STPG2: variants seen among roughly 807,000 people sequenced by gnomAD.
STPG2 encodes the protein sperm-tail PG-rich repeat-containing protein 2.
STPG2 carries 56 observed loss-of-function variants against 54.2 expected under a neutral mutation model. The ratio of observed to expected loss-of-function variants is 1.03; its 90% confidence interval spans 0.83 to 1.29. The LOEUF is 1.29. Among genes scored for constraint, STPG2 ranks in the 50% most tolerant of loss-of-function variants. STPG2 has a pLI of 0.00. For missense variants in STPG2, 596 were observed against 544.9 expected (o/e 1.09, Z -0.93); for synonymous variants, 200 against 181.8 (o/e 1.10, Z -0.81).
chr4:97,496,486 G>A (rs754408368), intron 4 of STPG2, among the ~76,000 whole-genome samples: 24 of 151,758 alleles, frequency 1.6e-4, no homozygotes, highest in Admixed American at 9.2e-4. Context: ...TAGAAAAAAT[G>A]TAAGCTTTGT....
intron 5 of STPG2, among the ~76,000 whole-genome samples, chr4:97,996,695 C>G (rs1053343986): frequency 7.6e-6 from 1 of 132,058 alleles, no homozygotes; most frequent in Non-Finnish European, 1.7e-5. Context: ...GATCTAATAT[C>G]CAGAATCTAT....
chr4:97,536,413 C>A (rs1182778898), intron 4 of STPG2, among the ~76,000 whole-genome samples: 1 of 152,096 alleles, frequency 6.6e-6, no homozygotes, highest in African/African-American at 2.4e-5. Flanking sequence ...TGACAAATTC[C>A]CCTTGAGCTC....
intron 10 of STPG2, among the ~76,000 whole-genome samples, chr4:97,635,952 G>T (rs1721503915): frequency 6.9e-6 from 1 of 143,902 alleles, no homozygotes. Context: ...AGTCAACAAG[G>T]ACACCCAGGA....
intron 5 of STPG2, among the ~76,000 whole-genome samples, chr4:98,093,716 C>T (rs1452777962): frequency 6.6e-6 from 1 of 152,178 alleles, no homozygotes; most frequent in Non-Finnish European, 1.5e-5. Context: ...AGCCATGCAG[C>T]ACAGAGACAG....
At chr4:97,477,622 G>A (rs1267248023) in intron 4 of STPG2, among the ~76,000 whole-genome samples, 3 of 150,504 alleles carry the variant, frequency 2.0e-5, no homozygotes, top group South Asian at 2.1e-4. Context: ...GACTACAGGC[G>A]CCTGCCACCA....
intron 5 of STPG2, among the ~76,000 whole-genome samples, chr4:98,063,683 G>A (rs993373350): frequency 8.3e-5 from 10 of 119,810 alleles, no homozygotes; most frequent in Admixed American, 3.2e-4. Context: ...ACCACTTTGA[G>A]GGAAAAAAAT....
chr4:97,865,853 A>AAT (rs921527430), intron 8 of STPG2, among the ~76,000 whole-genome samples: 3 of 151,748 alleles, frequency 2.0e-5, no homozygotes, highest in East Asian at 1.9e-4. Flanking sequence ...GTATAATAAA[A>AAT]ATATATATAT....
chr4:98,035,935 A>C (rs979389685), intron 5 of STPG2, among the ~76,000 whole-genome samples: 1 of 151,172 alleles, frequency 6.6e-6, no homozygotes, highest in African/African-American at 2.4e-5. Flanking sequence ...ATCACACACC[A>C]GGGCCTGTCG....
chr4:97,973,203 G>A (rs1441127797), intron 6 of STPG2, among the ~76,000 whole-genome samples: 3 of 152,182 alleles, frequency 2.0e-5, no homozygotes, highest in Non-Finnish European at 4.4e-5. Context: ...TCCAGGCTGA[G>A]GTGGCCTCAG....
At chr4:97,694,140 C>G (rs1723477706) in intron 10 of STPG2, among the ~76,000 whole-genome samples, 1 of 151,920 alleles carries the variant, frequency 6.6e-6, no homozygotes, top group Admixed American at 6.6e-5. Context: ...CCAAAGCCAG[C>G]AGAAGAAACG....
intron 8 of STPG2, chr4:97,916,280 G>A (rs1257028413): frequency 3.3e-5 from 5 of 152,576 alleles, no homozygotes; most frequent in African/African-American, 9.7e-5. Context: ...ACACAGAAGG[G>A]AAATCAGGTT....
intron 7 of STPG2, among the ~76,000 whole-genome samples, chr4:97,945,267 G>A (rs750685910): frequency 2.2e-4 from 34 of 151,744 alleles, no homozygotes; most frequent in African/African-American, 7.0e-4. Flanking sequence ...GTGTCTTTGC[G>A]TACCCATGGC....
At chr4:98,071,615 G>T (rs1738004961) in intron 5 of STPG2, among the ~76,000 whole-genome samples, 1 of 152,150 alleles carries the variant, frequency 6.6e-6, no homozygotes, top group African/African-American at 2.4e-5. Context: ...ACTATCATCA[G>T]AGTGAATAGA....
intron 5 of STPG2, among the ~76,000 whole-genome samples, chr4:97,989,194 C>G (rs1734933957): frequency 1.3e-5 from 2 of 152,036 alleles, no homozygotes; most frequent in African/African-American, 4.8e-5. Flanking sequence ...AAGTTAAGTT[C>G]AGAAGAAAAG....
intron 8 of STPG2, among the ~76,000 whole-genome samples, chr4:97,885,709 G>A (rs1730537646): frequency 6.6e-6 from 1 of 152,128 alleles, no homozygotes; most frequent in Non-Finnish European, 1.5e-5. Context: ...CAATGGGCCA[G>A]CATTTGTAAA....
intron 8 of STPG2, among the ~76,000 whole-genome samples, chr4:97,850,966 T>G (rs1321118959): frequency 6.6e-6 from 1 of 152,192 alleles, no homozygotes; most frequent in Non-Finnish European, 1.5e-5. Flanking sequence ...AGAAACTATG[T>G]GTAATATTGA....
chr4:98,055,266 G>C (rs1737445152), intron 5 of STPG2, among the ~76,000 whole-genome samples: 1 of 152,042 alleles, frequency 6.6e-6, no homozygotes, highest in South Asian at 2.1e-4. Context: ...TTTAAATTAA[G>C]TGTTTGCATG....
chr4:97,878,973 A>G (rs1021312114), intron 8 of STPG2, among the ~76,000 whole-genome samples: 5 of 152,166 alleles, frequency 3.3e-5, no homozygotes, highest in African/African-American at 1.2e-4. Flanking sequence ...TCTGCCAGAT[A>G]CCGTAAATCA....
intron 4 of STPG2, among the ~76,000 whole-genome samples, chr4:97,537,364 A>T (rs962187554): frequency 2.6e-5 from 4 of 152,200 alleles, no homozygotes; most frequent in African/African-American, 9.6e-5. Flanking sequence ...CACATTTCCA[A>T]CAGTCTTAGC....
Sources: gnomAD v4.1 joint callset for allele counts (sites outside exome capture counted in the v4.1 genomes callset) on GRCh38, gnomAD v4.1.1 for gene constraint, MANE v1.5 for transcripts, NCBI Gene and HGNC (gene_info 2026-07-23, HGNC 2026-07-21) for gene names.